The following EPHB1 variants were observed in gnomAD, a reference collection of about 807,000 sequenced individuals.
EPHB1 encodes ephrin type-B receptor 1.
A neutral mutation model predicts 94.4 loss-of-function variants in EPHB1; 30 were observed. The ratio of observed to expected loss-of-function variants is 0.32; its 90% CI spans 0.24 to 0.43. The LOEUF (loss-of-function observed/expected upper bound fraction) is 0.43. EPHB1 is among the 20% of genes least tolerant of loss of function. EPHB1 has a pLI of 1.00. For missense variants in EPHB1, 1,055 were observed against 1,308.3 expected (o/e 0.81, Z 2.99); for synonymous variants, 522 against 489.1 (o/e 1.07, Z -0.89).
At chr3:135,124,519 C>T (rs1940116316) in intron 4 of EPHB1, among the ~76,000 whole-genome samples, 1 of 151,760 alleles carries the variant, frequency 6.6e-6, no homozygotes, top group Middle Eastern at 3.2e-3. Context: ...GTGACTGGCA[C>T]TGTTCTAAAC....
intron 1 of EPHB1, among the ~76,000 whole-genome samples, chr3:134,891,773 AG>A (rs536919092): frequency 9.8e-5 from 15 of 152,330 alleles, no homozygotes; most frequent in Admixed American, 9.8e-4. Context: ...GGTCTGTTTG[AG>A]GGTTGGGAAA....
At position 135,192,815 on chromosome 3, in the gene EPHB1, T is replaced by C. The variant is rs1287760833; in HGVS notation, c.2122T>C (p.Phe708Leu). The change falls in exon 11 of 16, where the codon TTC becomes CTC. Residue 708 changes from phenylalanine (F) to leucine (L), a missense_variant. By Grantham distance (22) the Phe-to-Leu change is conservative (BLOSUM62 0). Transcript: ENST00000398015. ...EFMENGALDS[F>L]LRQNDGQFTV... ...CATGGAGAATGGTGCATTGGATTCT[T>C]TCCTCAGGGTAAGAGCAACTCAGGG... 6.2e-7 allele frequency: 1 copy of C among 1,613,762 alleles called. No individual in the cohort carries two copies. The highest frequency in any genetic ancestry group is 1.1e-5 in the South Asian group (1 of 91,062).
chr3:134,852,783 A>C (rs1349509656), intron 1 of EPHB1, among the ~76,000 whole-genome samples: 1 of 152,206 alleles, frequency 6.6e-6, no homozygotes, highest in African/African-American at 2.4e-5. Flanking sequence ...GCCTGTCTTC[A>C]GCACCAGGCC....
intron 3 of EPHB1, among the ~76,000 whole-genome samples, chr3:134,962,010 A>C (rs894818852): frequency 6.6e-6 from 1 of 152,234 alleles, no homozygotes. Flanking sequence ...AAAATTGCTG[A>C]ATAAGAATAT....
At position 134,939,328 on chromosome 3, in the gene EPHB1, G is replaced by A. The variant is rs551756409; in HGVS notation, c.124-12043G>A. 2.2e-3 allele frequency among the ~76,000 whole-genome samples: 236 copies of A among 105,634 alleles called. 1 individual carries two copies. Among genetic ancestry groups the A allele is most frequent in the African/African-American group, 0.012 (225 of 18,652 alleles). 69.3% of individuals were successfully genotyped at this position (105,634 alleles called of 152,430 possible). Reference sequence around the variant, plus strand: ...CAGAAGCAGTCTCCAACCCTGAGTCGGTCACCTTTCTCAAATGGAATACCA... The same window carrying A: ...CAGAAGCAGTCTCCAACCCTGAGTCAGTCACCTTTCTCAAATGGAATACCA... On this transcript the variant is annotated intron_variant, in intron 2 of 15. Transcript: ENST00000398015.
At chr3:135,112,763 C>T (rs1267302977) in intron 4 of EPHB1, among the ~76,000 whole-genome samples, 1 of 151,800 alleles carries the variant, frequency 6.6e-6, no homozygotes, top group Non-Finnish European at 1.5e-5. Flanking sequence ...TGTATATGTG[C>T]CACATTTTCT....
intron 12 of EPHB1, among the ~76,000 whole-genome samples, chr3:135,209,156 G>A (rs1942973743): frequency 6.6e-6 from 1 of 152,144 alleles, no homozygotes; most frequent in Non-Finnish European, 1.5e-5. Flanking sequence ...ACAAGAGAAA[G>A]CTCTTCCCTG....
intron 12 of EPHB1, among the ~76,000 whole-genome samples, chr3:135,212,767 C>G (rs1943060819): frequency 6.6e-6 from 1 of 152,196 alleles, no homozygotes; most frequent in African/African-American, 2.4e-5. Context: ...GGAAAAACTA[C>G]AGAAGATAAA....
intron 3 of EPHB1, among the ~76,000 whole-genome samples, chr3:135,087,959 A>G (rs374323421): frequency 1.8e-3 from 271 of 152,290 alleles, no homozygotes; most frequent in Middle Eastern, 6.8e-3. Flanking sequence ...TCCATGCATC[A>G]CGTTTTTACA....
intron 1 of EPHB1, among the ~76,000 whole-genome samples, chr3:134,893,356 T>C (rs1028418552): frequency 4.1e-4 from 62 of 152,356 alleles, no homozygotes; most frequent in African/African-American, 1.4e-3. Context: ...GGTTTCCTTT[T>C]GCTCTGAGAA....
At chr3:134,956,035 C>T (rs1933256123) in intron 3 of EPHB1, among the ~76,000 whole-genome samples, 1 of 152,164 alleles carries the variant, frequency 6.6e-6, no homozygotes, top group Non-Finnish European at 1.5e-5. Context: ...CTCTCTCTCT[C>T]TCTACTGTGT....
intron 3 of EPHB1, among the ~76,000 whole-genome samples, chr3:135,002,643 A>G (rs1173205149): frequency 6.6e-6 from 1 of 152,018 alleles, no homozygotes; most frequent in African/African-American, 2.4e-5. Flanking sequence ...AGATCCTGTT[A>G]TTGGTCTATT....
At chr3:135,121,619 T>C (rs1435826164) in intron 4 of EPHB1, among the ~76,000 whole-genome samples, 1 of 152,024 alleles carries the variant, frequency 6.6e-6, no homozygotes, top group African/African-American at 2.4e-5. Flanking sequence ...CAGCAGGAAG[T>C]GCTCTGGGGA....
At chr3:134,828,553 T>C (rs2036527502) in intron 1 of EPHB1, among the ~76,000 whole-genome samples, 1 of 152,200 alleles carries the variant, frequency 6.6e-6, no homozygotes, top group Admixed American at 6.5e-5. Flanking sequence ...AGTGGCTGAA[T>C]TACTGCCCCA....
At position 135,237,311 on chromosome 3, in the gene EPHB1, C is replaced by G. The variant is rs1333081265; in HGVS notation, c.2347-3837C>G. On this transcript the variant is annotated intron_variant, in intron 12 of 15. Transcript: ENST00000398015. ...ACACACACACACACACACACACACA[C>G]AGACAGACACAAAATCTTAAATTTA... 2.8e-5 allele frequency among the ~76,000 whole-genome samples: 4 copies of G among 145,154 alleles called. No homozygotes were observed. The South Asian group carries it at 6.6e-4, about 24-fold the overall frequency.
chr3:135,189,801 A>G (rs1393040053), intron 10 of EPHB1, among the ~76,000 whole-genome samples: 1 of 152,190 alleles, frequency 6.6e-6, no homozygotes, highest in African/African-American at 2.4e-5. Context: ...AACTCCACAC[A>G]CTGATAGGTA....
intron 1 of EPHB1, among the ~76,000 whole-genome samples, chr3:134,825,441 G>C (rs1486860361): frequency 6.6e-6 from 1 of 152,210 alleles, no homozygotes; most frequent in African/African-American, 2.4e-5. Flanking sequence ...CCCTTGCAGG[G>C]TTTCATCTAA....
At chr3:135,212,999 T>A (rs1383517599) in intron 12 of EPHB1, among the ~76,000 whole-genome samples, 5 of 152,236 alleles carry the variant, frequency 3.3e-5, no homozygotes, top group Non-Finnish European at 7.3e-5. Flanking sequence ...TTTATGCAGT[T>A]CTTTCAAGAT....
chr3:135,122,693 A>T (rs1940023402), intron 4 of EPHB1, among the ~76,000 whole-genome samples: 1 of 152,202 alleles, frequency 6.6e-6, no homozygotes, highest in Admixed American at 6.5e-5. Context: ...CTCTTTTCCC[A>T]GAATGTATAA....
Sources: allele counts gnomAD v4.1 joint callset (sites outside exome capture counted in the v4.1 genomes callset), GRCh38; gene constraint gnomAD v4.1.1; transcripts MANE v1.5; gene names NCBI Gene and HGNC (gene_info 2026-07-23, HGNC 2026-07-21).